Variants in ZNF347 observed in about 807,000 individuals in gnomAD.
ZNF347 encodes CTD-2620I22.7.
ZNF347 carries 19 observed loss-of-function variants against 12.9 expected under a neutral mutation model. The observed-to-expected ratio is 1.47, with a 90% CI of 1.03 to 2.16. The LOEUF is 2.16. Among genes scored for constraint, ZNF347 ranks in the 30% most tolerant of loss-of-function variants. The pLI is 0.00. For synonymous variants in ZNF347, 328 were observed against 340.6 expected (o/e 0.96, Z 0.41); for missense variants, 1,005 against 990.6 (o/e 1.01, Z -0.19).
At chr19:53,152,092 C>CA (rs1186310928) in intron 2 of ZNF347, among the ~76,000 whole-genome samples, 58,968 of 89,888 alleles carry the variant, frequency 0.66, 18,698 homozygotes, top group East Asian at 0.76. Flanking sequence ...GACTCTGTCT[C>CA]AAAAAAAAAA....
chr19:53,157,523 C>G (rs1031289226), intron 1 of ZNF347, among the ~76,000 whole-genome samples: 3 of 152,074 alleles, frequency 2.0e-5, no homozygotes, highest in Admixed American at 2.0e-4. Flanking sequence ...CTGTTCTGTC[C>G]CATTCTGGGG....
intron 1 of ZNF347, among the ~76,000 whole-genome samples, chr19:53,157,481 T>C (rs1006892238): frequency 6.6e-6 from 1 of 152,098 alleles, no homozygotes; most frequent in African/African-American, 2.4e-5. Context: ...TCTCATCTCC[T>C]GCTATTTCTC....
In ZNF347 at chr19:53,141,028, A is replaced by G. The variant is rs1448614725; in HGVS notation, c.1800T>C (p.Asn600=). The change falls in exon 5 of 5, where the codon AAT becomes AAC. Residue 600 remains asparagine, a synonymous_variant. Coordinates refer to ENST00000334197, the MANE Select transcript of ZNF347 (RefSeq NM_032584.3). ...IHTGEKPYKC[N]ECGKVFRHNS... ...TATGCCTAAAGACCTTGCCACATTC[A>G]TTACATTTATAAGGTTTCTCTCCAG... 2 of 1,613,112 alleles carry G rather than the reference A, an allele frequency of 1.2e-6. No individual in the cohort carries two copies. The highest frequency in any genetic ancestry group is 1.7e-6 in the Non-Finnish European group (2 of 1,179,866).
intron 2 of ZNF347, among the ~76,000 whole-genome samples, chr19:53,151,020 G>A (rs113269610): frequency 0.012 from 1,753 of 152,258 alleles, 31 homozygotes; most frequent in African/African-American, 0.037. Flanking sequence ...GATTACAGGC[G>A]CAAGCCACTG....
At chr19:53,158,367 G>C (rs2090549393) in intron 1 of ZNF347, among the ~76,000 whole-genome samples, 1 of 152,194 alleles carries the variant, frequency 6.6e-6, no homozygotes, top group South Asian at 2.1e-4. Context: ...GAGGAGCTGC[G>C]CTCCAGGGGC....
intron 1 of ZNF347, among the ~76,000 whole-genome samples, chr19:53,156,624 T>C (rs1353977830): frequency 6.6e-6 from 1 of 152,160 alleles, no homozygotes; most frequent in Non-Finnish European, 1.5e-5. Context: ...GTAATATCCT[T>C]CATAACAAAT....
chr19:53,158,182 C>A (rs572253095), intron 1 of ZNF347, among the ~76,000 whole-genome samples: 21 of 152,298 alleles, frequency 1.4e-4, no homozygotes, highest in African/African-American at 5.1e-4. Context: ...AGGCCCCGGG[C>A]ACCTCCCCAG....
intron 2 of ZNF347, among the ~76,000 whole-genome samples, chr19:53,151,734 AT>A (rs2090499401): frequency 1.3e-5 from 2 of 152,172 alleles, no homozygotes; most frequent in South Asian, 4.1e-4. Context: ...CTGAGAACAA[AT>A]TTAAGGACAC....
intron 2 of ZNF347, 194 bp from the exon 3 acceptor site, chr19:53,149,561 CT>C: frequency 9.4e-7 from 1 of 1,064,086 alleles, no homozygotes; most frequent in South Asian, 1.6e-5. Context: ...TGATAAGTGC[CT>C]TTGTAAGCTA....
intron 2 of ZNF347, among the ~76,000 whole-genome samples, chr19:53,150,375 A>G (rs1363247749): frequency 6.6e-6 from 1 of 152,218 alleles, no homozygotes; most frequent in African/African-American, 2.4e-5. Flanking sequence ...CCTCACACAC[A>G]CAGGTATTTT....
At position 53,153,748 on chromosome 19, in the gene ZNF347, G is replaced by A; in HGVS notation, c.-1C>T. The A allele has an allele frequency of 6.2e-7, 1 of 1,614,086 alleles. No individual in the cohort carries two copies. Among genetic ancestry groups the A allele is most frequent in the Non-Finnish European group, 8.5e-7 (1 of 1,179,906 alleles). ...ATTACCTTACCTGGGTGAGAGCCAT[G>A]CCTGACTTGTCTTTCTTTCCTCTTC... On this transcript the variant is annotated 5_prime_UTR_variant, in exon 2 of 5. Transcript: ENST00000334197.
At chr19:53,146,039 G>A (rs1207021695) in intron 4 of ZNF347, among the ~76,000 whole-genome samples, 1 of 151,666 alleles carries the variant, frequency 6.6e-6, no homozygotes, top group Admixed American at 6.6e-5. Flanking sequence ...GCAGTGGCAT[G>A]ATACCAGCTC....
At chr19:53,150,896 C>T (rs1277700056) in intron 2 of ZNF347, among the ~76,000 whole-genome samples, 1 of 152,176 alleles carries the variant, frequency 6.6e-6, no homozygotes, top group Non-Finnish European at 1.5e-5. Context: ...CCCACCACCA[C>T]ACCCGGCTAA....
rs1568632525 is a variant in ZNF347, at chr19:53,135,327, T to TAGAGAGAGAGAGAGAG, written c.*4980_*4981insCTCTCTCTCTCTCTCT. 2.3e-5 allele frequency: 1 copy of TAGAGAGAGAGAGAGAG among 42,644 alleles called. No individual in the cohort carries two copies. Among genetic ancestry groups the TAGAGAGAGAGAGAGAG allele is most frequent in the African/African-American group, 8.0e-5 (1 of 12,430 alleles). 2.6% of individuals were successfully genotyped at this position (42,644 alleles called of 1,614,324 possible). A position where few individuals can be genotyped will look rare whatever the true frequency, so the allele number is the denominator to read the frequency against. ...ATATATATATATATATATATATATA[T>TAGAGAGAGAGAGAGAG]ATATATATATATAGAGAGAGAGAGA... On this transcript the variant is annotated 3_prime_UTR_variant, in exon 5 of 5. Coordinates refer to ENST00000334197, the MANE Select transcript of ZNF347 (RefSeq NM_032584.3).
Position 53,142,397 on chromosome 19 carries a change from T to TGA in ZNF347, c.429_430dup (p.Gln144LeufsTer15), listed in dbSNP as rs1283211892. On this transcript the variant is annotated frameshift_variant, in exon 5 of 5. Coordinates refer to ENST00000334197, the MANE Select transcript of ZNF347 (RefSeq NM_032584.3). LOFTEE classifies it low-confidence loss of function (END_TRUNC). ...GTAATTTCCTTCAGCATCTCTGCAT[T>TGA]GATACTCAAGGCCATGTGTATTTTT... 3.7e-6 allele frequency: 6 copies of TGA among 1,614,110 alleles called. No individual in the cohort carries two copies. The highest frequency in any genetic ancestry group is 1.7e-5 in the Admixed American group (1 of 60,010).
intron 3 of ZNF347, 133 bp downstream of exon 3, chr19:53,149,108 T>C (rs1372812962): frequency 5.3e-6 from 8 of 1,522,146 alleles, no homozygotes; most frequent in East Asian, 2.3e-5. Flanking sequence ...TTCCACATTA[T>C]GGAGATTTTC....
Position 53,140,550 on chromosome 19 carries a change from T to A in ZNF347, c.2278A>T (p.Thr760Ser). The A allele has an allele frequency of 6.2e-7, 1 of 1,614,060 alleles. No individual in the cohort carries two copies. The highest frequency in any genetic ancestry group is 1.3e-5 in the African/African-American group (1 of 75,044). The change falls in exon 5 of 5, where the codon ACT (threonine) becomes TCT (serine). Residue 760 changes from threonine to serine, a missense_variant. Coordinates refer to ENST00000334197, the MANE Select transcript of ZNF347 (RefSeq NM_032584.3). ...TTACACTTGTAAGGTTTCTCTCCAG[T>A]ATGAATTCCCCGATGTCTTGCAAGG... Reference protein sequence around the residue: ...SHLARHRGIHTGEKPYKCNEC... With the variant: ...SHLARHRGIHSGEKPYKCNEC...
intron 4 of ZNF347, among the ~76,000 whole-genome samples, chr19:53,146,662 TTAA>T (rs1352936531): frequency 6.6e-6 from 1 of 151,978 alleles, no homozygotes; most frequent in African/African-American, 2.4e-5. Flanking sequence ...TACACCCAAA[TTAA>T]TAAAATCAGA....
chr19:53,146,599 A>G (rs1358312887), intron 4 of ZNF347, among the ~76,000 whole-genome samples: 1 of 152,146 alleles, frequency 6.6e-6, no homozygotes, highest in Non-Finnish European at 1.5e-5. Flanking sequence ...TTTCTAAAAG[A>G]TAAGCAACAT....
Sources: allele counts gnomAD v4.1 joint callset (sites outside exome capture counted in the v4.1 genomes callset), GRCh38; gene constraint gnomAD v4.1.1; transcripts MANE v1.5; gene names NCBI Gene and HGNC (gene_info 2026-07-23, HGNC 2026-07-21).